Variants in CACNB2 observed in about 807,000 individuals in gnomAD.
CACNB2 encodes the protein calcium voltage-gated channel auxiliary subunit beta 2.
CACNB2 carries 42 observed loss-of-function variants against 73.3 expected under a neutral mutation model. The ratio of observed to expected loss-of-function variants is 0.57; its 90% CI spans 0.45 to 0.74. The LOEUF (loss-of-function observed/expected upper bound fraction) is 0.74. Among genes scored for constraint, CACNB2 ranks in the 30% least tolerant of loss-of-function variants. The pLI is 0.00. For synonymous variants in CACNB2, 348 were observed against 310.3 expected, an observed-to-expected ratio of 1.12 and a Z score of -1.28; for missense variants, 940 against 853.0, an observed-to-expected ratio of 1.10 and a Z score of -1.27.
intron 2 of CACNB2, among the ~76,000 whole-genome samples, chr10:18,223,259 A>G (rs1306653496): frequency 6.6e-6 from 1 of 152,210 alleles, no homozygotes; most frequent in African/African-American, 2.4e-5. Context: ...AACACCTTCT[A>G]TATATGTAAT....
At chr10:18,241,694 A>G (rs898498123) in intron 2 of CACNB2, among the ~76,000 whole-genome samples, 3 of 152,114 alleles carry the variant, frequency 2.0e-5, no homozygotes, top group Admixed American at 6.5e-5. Context: ...GTAAAAACTA[A>G]AAGGATTTTG....
At chr10:18,215,833 C>G (rs1393091533) in intron 2 of CACNB2, among the ~76,000 whole-genome samples, 1 of 152,086 alleles carries the variant, frequency 6.6e-6, no homozygotes, top group Non-Finnish European at 1.5e-5. Context: ...TTAAGAGAAG[C>G]CTGTGGTCTG....
chr10:18,456,195 G>A (rs547968275), intron 3 of CACNB2, among the ~76,000 whole-genome samples: 11 of 152,206 alleles, frequency 7.2e-5, no homozygotes, highest in Admixed American at 2.0e-4. Context: ...TCTTGGCCAG[G>A]CACGGTGGCT....
intron 6 of CACNB2, chr10:18,513,742 C>T (rs1449082966): frequency 4.8e-6 from 1 of 208,466 alleles, no homozygotes; most frequent in Non-Finnish European, 9.8e-6. Flanking sequence ...TGATATATAA[C>T]ATAACCACAT....
At chr10:18,351,728 G>T (rs1418251554) in intron 2 of CACNB2, among the ~76,000 whole-genome samples, 2 of 152,178 alleles carry the variant, frequency 1.3e-5, no homozygotes, top group Non-Finnish European at 2.9e-5. Context: ...AACTAGATTG[G>T]TTCTTAATTA....
At chr10:18,268,405 TA>T (rs1332073877) in intron 2 of CACNB2, among the ~76,000 whole-genome samples, 2 of 152,218 alleles carry the variant, frequency 1.3e-5, no homozygotes, top group African/African-American at 4.8e-5. Context: ...AAATAAATGG[TA>T]TACCACCTAT....
Position 18,307,983 on chromosome 10 carries a change from C to CATTT in CACNB2, c.214-93941_214-93940insATTT, listed in dbSNP as rs1356604464. Among the ~76,000 whole-genome samples, 235 of 70,242 alleles carry CATTT rather than the reference C, an allele frequency of 3.3e-3. 15 individuals are homozygous for CATTT. Among genetic ancestry groups the CATTT allele is most frequent in the African/African-American group, 0.012 (209 of 16,760 alleles). 46.1% of individuals were successfully genotyped at this position (70,242 alleles called of 152,430 possible). ...TTAAGTCTAAAATAATATATGCCAACTTTTTTTTTTTTTTTTTTTTTTTTT... is the reference window on the plus strand; with the variant it reads ...TTAAGTCTAAAATAATATATGCCAACATTTTTTTTTTTTTTTTTTTTTTTTTTTT... On this transcript the variant is annotated intron_variant, in intron 2 of 13. Coordinates refer to ENST00000324631, the MANE Select transcript of CACNB2 (RefSeq NM_201596.3).
Position 18,461,995 on chromosome 10 carries a change from G to A in CACNB2, c.334-36360G>A, listed in dbSNP as rs149780845. On this transcript the variant is annotated intron_variant, in intron 3 of 13. Transcript: ENST00000324631. ...CCATGTTGGTTGTTCACTTATTTTA[G>A]GAAGAGATACCTCTCCACCCTCACA... is the stretch of plus-strand genomic sequence containing the variant. Among the ~76,000 whole-genome samples, 977 of 152,058 alleles carry A rather than the reference G, an allele frequency of 6.4e-3. 7 individuals carry two copies. Among genetic ancestry groups the A allele is most frequent in the Non-Finnish European group, 0.011 (746 of 67,964 alleles).
chr10:18,266,822 G>A (rs2037825948), intron 2 of CACNB2, among the ~76,000 whole-genome samples: 1 of 152,160 alleles, frequency 6.6e-6, no homozygotes, highest in Non-Finnish European at 1.5e-5. Flanking sequence ...CCCCAGAGGT[G>A]GAGGCTGCAG....
intron 2 of CACNB2, among the ~76,000 whole-genome samples, chr10:18,238,843 C>A (rs895447160): frequency 6.6e-6 from 1 of 152,154 alleles, no homozygotes; most frequent in African/African-American, 2.4e-5. Flanking sequence ...CTAACACAAC[C>A]GTAAACCATT....
chr10:18,254,615 A>G (rs2037208485), intron 2 of CACNB2, among the ~76,000 whole-genome samples: 1 of 152,212 alleles, frequency 6.6e-6, no homozygotes. Flanking sequence ...AAATAAAGGA[A>G]AATTAGAGAA....
intron 3 of CACNB2, among the ~76,000 whole-genome samples, chr10:18,459,901 G>A (rs1259373488): frequency 6.6e-6 from 1 of 152,164 alleles, no homozygotes; most frequent in Non-Finnish European, 1.5e-5. Context: ...GGGAGGCTGA[G>A]GTGAAAGAAT....
intron 2 of CACNB2, among the ~76,000 whole-genome samples, chr10:18,168,001 G>A (rs1196738051): frequency 6.6e-6 from 1 of 152,158 alleles, no homozygotes; most frequent in Admixed American, 6.5e-5. Context: ...TTCTGGTGAA[G>A]CCACTTAGGA....
intron 2 of CACNB2, among the ~76,000 whole-genome samples, chr10:18,365,701 C>A (rs1016333300): frequency 6.6e-6 from 1 of 152,040 alleles, no homozygotes; most frequent in Non-Finnish European, 1.5e-5. Context: ...AACGTTGGGA[C>A]AGAATAGTGC....
intron 3 of CACNB2, among the ~76,000 whole-genome samples, chr10:18,418,140 T>TC (rs2045104115): frequency 6.6e-6 from 1 of 152,226 alleles, no homozygotes; most frequent in Non-Finnish European, 1.5e-5. Flanking sequence ...AGTGGCGCCC[T>TC]CTTGGCTCAC....
At chr10:18,394,300 C>T (rs1408120647) in intron 2 of CACNB2, among the ~76,000 whole-genome samples, 1 of 152,086 alleles carries the variant, frequency 6.6e-6, no homozygotes, top group Non-Finnish European at 1.5e-5. Flanking sequence ...AGCAAGCGAG[C>T]GTGCCTAAAG....
intron 3 of CACNB2, among the ~76,000 whole-genome samples, chr10:18,497,270 C>G (rs1460538403): frequency 2.6e-5 from 4 of 151,392 alleles, no homozygotes; most frequent in African/African-American, 4.9e-5. Context: ...AAGCAATCCA[C>G]TTGCCCATAA....
chr10:18,417,384 T>G, intron 3 of CACNB2, among the ~76,000 whole-genome samples: 1 of 73,466 alleles, frequency 1.4e-5, no homozygotes, highest in East Asian at 4.7e-4. Context: ...TTTTTTTTTT[T>G]TGAGACGAAG....
At chr10:18,428,458 G>A (rs552271809) in intron 3 of CACNB2, among the ~76,000 whole-genome samples, 111 of 152,168 alleles carry the variant, frequency 7.3e-4, no homozygotes, top group African/African-American at 2.5e-3. Context: ...AGGCCAAGGC[G>A]GGCAGATCAC....
Sources: gnomAD v4.1 joint callset for allele counts (sites outside exome capture counted in the v4.1 genomes callset) on GRCh38, gnomAD v4.1.1 for gene constraint, MANE v1.5 for transcripts, NCBI Gene and HGNC (gene_info 2026-07-23, HGNC 2026-07-21) for gene names.